PRKDC: variants seen among roughly 807,000 people sequenced by gnomAD.
PRKDC encodes protein kinase, DNA-activated, catalytic subunit, also known as DNA-dependent protein kinase catalytic subunit.
PRKDC carries 82 observed loss-of-function variants against 486.9 expected under a neutral mutation model. The ratio of observed to expected loss-of-function variants is 0.17; its 90% CI spans 0.14 to 0.20. PRKDC has a LOEUF of 0.20. PRKDC is among the 10% of genes least tolerant of loss of function. PRKDC has a pLI of 1.00. For missense variants in PRKDC, 4,504 were observed against 5,038.2 expected (o/e 0.89, Z 3.21); for synonymous variants, 1,895 against 1,837.0 (o/e 1.03, Z -0.81).
At position 47,897,175 on chromosome 8, in the gene PRKDC, A is replaced by C; in HGVS notation, c.3584T>G (p.Val1195Gly). The change falls in exon 30 of 86, where the codon GTT (valine) becomes GGT (glycine). Residue 1195 changes from valine to glycine, a missense_variant. By Grantham distance (109) the Val-to-Gly change is moderately radical. Around this residue, in one of 6 missense-constraint regions of PRKDC, gnomAD observed 1,969 missense variants for 2,068.9 expected, o/e 0.95. Coordinates refer to ENST00000314191, the MANE Select transcript of PRKDC (RefSeq NM_006904.7). ...GATTACCATACCTGGCAATAAAGGA[A>C]CGAATTTATAAAAGAGTTCAATGGA... ...HKSIELFYKF[V>G]PLLPGNRSPN... 1 of 1,599,458 alleles carries C rather than the reference A, an allele frequency of 6.3e-7. No individual in the cohort carries two copies. Among genetic ancestry groups the C allele is most frequent in the Non-Finnish European group, 8.6e-7 (1 of 1,168,120 alleles).
intron 24 of PRKDC, among the ~76,000 whole-genome samples, chr8:47,912,836 T>C (rs1358038281): frequency 6.6e-6 from 1 of 152,256 alleles, no homozygotes; most frequent in East Asian, 1.9e-4. Flanking sequence ...TAAAGAACTA[T>C]ATAACTTTGC....
intron 30 of PRKDC, among the ~76,000 whole-genome samples, chr8:47,896,482 C>A (rs2089584551): frequency 6.6e-6 from 1 of 151,998 alleles, no homozygotes; most frequent in East Asian, 1.9e-4. Context: ...CCCGTCTCTA[C>A]TAAAAATACA....
chr8:47,927,933 T>C (rs2090180581), intron 19 of PRKDC, 43 bp from the exon 20 acceptor site: 2 of 1,387,320 alleles, frequency 1.4e-6, no homozygotes, highest in African/African-American at 1.5e-5. Context: ...GAATAGAGCC[T>C]ACATTTGAAA....
chr8:47,878,783 T>G (rs576017470), intron 39 of PRKDC, among the ~76,000 whole-genome samples: 197 of 152,346 alleles, frequency 1.3e-3, no homozygotes, highest in Non-Finnish European at 1.6e-3. Flanking sequence ...CTGAAACTGT[T>G]GTGTGCAGTT....
intron 22 of PRKDC, among the ~76,000 whole-genome samples, chr8:47,915,799 C>A (rs2089973838): frequency 6.6e-6 from 1 of 152,240 alleles, no homozygotes; most frequent in African/African-American, 2.4e-5. Context: ...GTTTGGTCCT[C>A]ACACCGATAT....
chr8:47,888,683 GCT>G, intron 33 of PRKDC, 33 bp from the exon 34 acceptor site: 1 of 1,536,970 alleles, frequency 6.5e-7, no homozygotes, highest in Non-Finnish European at 8.8e-7. Flanking sequence ...AATTAGGTGA[GCT>G]CTGATCTCGT....
chr8:47,837,028 G>T (rs1292618483), intron 57 of PRKDC, among the ~76,000 whole-genome samples, 184 bp downstream of exon 57: 2 of 152,236 alleles, frequency 1.3e-5, no homozygotes, highest in Non-Finnish European at 2.9e-5. Context: ...AAATCTAGTG[G>T]AGGCCAAGAG....
intron 70 of PRKDC, among the ~76,000 whole-genome samples, 178 bp from the exon 71 acceptor site, chr8:47,801,164 C>T (rs1399931640): frequency 6.6e-6 from 1 of 152,166 alleles, no homozygotes; most frequent in Non-Finnish European, 1.5e-5. Context: ...CCCTGCCTAC[C>T]AGGCTCAAGC....
intron 25 of PRKDC, among the ~76,000 whole-genome samples, chr8:47,907,858 G>C (rs1163664856): frequency 6.6e-6 from 1 of 152,102 alleles, no homozygotes; most frequent in East Asian, 1.9e-4. Context: ...TGTCTTCCTG[G>C]AAGAAACCAG....
At position 47,864,591 on chromosome 8, in the gene PRKDC, C is replaced by T. The variant is rs760219380; in HGVS notation, c.5536G>A (p.Asp1846Asn). The change falls in exon 41 of 86, where the codon GAT (aspartate) becomes AAT (asparagine). Residue 1846 changes from aspartate (D) to asparagine (N), a missense_variant. Around this residue, in one of 6 missense-constraint regions of PRKDC, gnomAD observed 1,969 missense variants for 2,068.9 expected, o/e 0.95. Transcript: ENST00000314191. Reference protein sequence around the residue: ...LREFFSTIVVDAIDVLKSRFT... With the variant: ...LREFFSTIVVNAIDVLKSRFT... ...CTGGACTTCAACACATCAATGGCAT[C>T]CACCACAATTGTGCTGAAGAATTCT... 1.3e-5 allele frequency: 21 copies of T among 1,610,298 alleles called. No individual in the cohort carries two copies. In the South Asian group the frequency reaches 1.9e-4, roughly 14 times the overall value.
intron 40 of PRKDC, among the ~76,000 whole-genome samples, chr8:47,867,575 A>G (rs1484897067): frequency 1.3e-5 from 2 of 152,202 alleles, no homozygotes; most frequent in Non-Finnish European, 2.9e-5. Context: ...TGGTATTGTT[A>G]TTTTTGAAAG....
chr8:47,849,735 C>T (rs144345830), intron 52 of PRKDC, among the ~76,000 whole-genome samples: 4 of 152,352 alleles, frequency 2.6e-5, no homozygotes, highest in Non-Finnish European at 4.4e-5. Context: ...AGCCAGTCCA[C>T]ATCACTGTGC....
At chr8:47,886,854 A>AT (rs1257352647) in intron 35 of PRKDC, among the ~76,000 whole-genome samples, 8 of 152,084 alleles carry the variant, frequency 5.3e-5, no homozygotes, top group Middle Eastern at 3.4e-3. Flanking sequence ...TACCTGGCTA[A>AT]TTTTTTAAAT....
At chr8:47,776,243 T>A (rs2086607284) in intron 85 of PRKDC, among the ~76,000 whole-genome samples, 1 of 152,234 alleles carries the variant, frequency 6.6e-6, no homozygotes, top group East Asian at 1.9e-4. Context: ...CCAGCGCTAT[T>A]TGTTGGAAAG....
intron 68 of PRKDC, among the ~76,000 whole-genome samples, chr8:47,814,797 T>G (rs938864227): frequency 6.6e-6 from 1 of 152,224 alleles, no homozygotes; most frequent in Non-Finnish European, 1.5e-5. Flanking sequence ...GCAGTTTTTC[T>G]TTATACAAAT....
At chr8:47,834,443 C>G (rs748661049) in intron 58 of PRKDC, 47 bp from the exon 59 acceptor site, 4 of 1,594,600 alleles carry the variant, frequency 2.5e-6, no homozygotes, top group Middle Eastern at 2.2e-4. Context: ...TCACCCAGCT[C>G]TGTGCACGGG....
intron 74 of PRKDC, 32 bp downstream of exon 74, chr8:47,794,258 G>C (rs747345100): frequency 1.9e-6 from 3 of 1,544,080 alleles, no homozygotes; most frequent in Non-Finnish European, 2.7e-6. Flanking sequence ...TATAGTATTT[G>C]ATCAACCTAT....
intron 40 of PRKDC, among the ~76,000 whole-genome samples, chr8:47,866,694 A>G (rs1043953819): frequency 1.3e-5 from 2 of 152,250 alleles, no homozygotes; most frequent in Non-Finnish European, 2.9e-5. Flanking sequence ...AATGTTGGCC[A>G]GACAGTAGTG....
chr8:47,872,040 A>C (rs1182042267), intron 40 of PRKDC, among the ~76,000 whole-genome samples: 1 of 152,228 alleles, frequency 6.6e-6, no homozygotes, highest in Non-Finnish European at 1.5e-5. Flanking sequence ...GAGTAGAAAG[A>C]CTAAAAAGAT....
Sources: allele counts gnomAD v4.1 joint callset (sites outside exome capture counted in the v4.1 genomes callset), GRCh38; gene constraint gnomAD v4.1.1; regional missense constraint gnomAD v4.1.1; transcripts MANE v1.5; gene names NCBI Gene and HGNC (gene_info 2026-07-23, HGNC 2026-07-21).